The following TRPC4AP variants were observed in gnomAD, a reference collection of about 807,000 sequenced individuals.
TRPC4AP encodes short transient receptor potential channel 4-associated protein.
Under a neutral mutation model 99.0 loss-of-function variants are expected in TRPC4AP, and 45 were observed. The observed-to-expected ratio is 0.45, with a 90% CI of 0.36 to 0.58. TRPC4AP has a LOEUF of 0.58. Among genes scored for constraint, TRPC4AP ranks in the 20% least tolerant of loss-of-function variants. The pLI, the probability that TRPC4AP is intolerant of heterozygous loss-of-function variation, is 0.00. For synonymous variants in TRPC4AP, 408 were observed against 385.8 expected, an observed-to-expected ratio of 1.06 and a Z score of -0.67; for missense variants, 879 against 985.3, an observed-to-expected ratio of 0.89 and a Z score of 1.44.
In TRPC4AP at chr20:35,016,081, T is replaced by C. The variant is rs762255605; in HGVS notation, c.1277A>G (p.Lys426Arg). The C allele has an allele frequency of 6.8e-6, 11 of 1,614,020 alleles. No homozygotes were observed. Among genetic ancestry groups the C allele is most frequent in the African/African-American group, 5.3e-5 (4 of 74,892 alleles). ...TGCTGAATGCTTCCTCCAAATCAGT[T>C]TGTCAAACAAATTATTAAGTCCAGG... is the stretch of plus-strand genomic sequence containing the variant. ...LIPGLNNLFD[K>R]LIWRKHSASA... The change falls in exon 10 of 19, where the codon AAA becomes AGA. Residue 426 changes from lysine (K) to arginine (R), a missense_variant. Around this residue, in one of 3 missense-constraint regions of TRPC4AP, gnomAD observed 603 missense variants for 631.8 expected, o/e 0.95. Transcript: ENST00000252015.
chr20:35,090,872 G>A (rs1401208691), intron 1 of TRPC4AP, among the ~76,000 whole-genome samples: 3 of 152,098 alleles, frequency 2.0e-5, no homozygotes, highest in Admixed American at 2.0e-4. Flanking sequence ...TCCATATTAA[G>A]AAATGAGTCT....
At chr20:35,024,697 G>A (rs556365195) in intron 8 of TRPC4AP, among the ~76,000 whole-genome samples, 1 of 151,502 alleles carries the variant, frequency 6.6e-6, no homozygotes, top group South Asian at 2.1e-4. Flanking sequence ...TGGGCGTGGT[G>A]GTGTGCACCT....
chr20:35,064,468 G>T (rs1162725148), intron 3 of TRPC4AP, among the ~76,000 whole-genome samples: 2 of 152,222 alleles, frequency 1.3e-5, no homozygotes, highest in Admixed American at 6.5e-5. Context: ...TGGCATGAAT[G>T]TGACACTATA....
chr20:35,021,320 T>C lies in TRPC4AP; in HGVS notation c.1088A>G (p.Glu363Gly). ...GGCTGACGTGTGAGGCAGGCCATTC[T>C]CCTCAGAAGCCCCTGGAGGAGGGAA... is the stretch of plus-strand genomic sequence containing the variant. ...IVFPPPGASE[E>G]NGLPHTSART... Residue 363 changes from glutamate to glycine, a missense_variant, in exon 9 of 19, where the codon GAG becomes GGG. Transcript: ENST00000252015. 6.2e-7 allele frequency: 1 copy of C among 1,614,096 alleles called. No individual in the cohort carries two copies. The highest frequency in any genetic ancestry group is 8.5e-7 in the Non-Finnish European group (1 of 1,179,968).
chr20:35,032,511 G>A (rs1390140008), intron 8 of TRPC4AP, among the ~76,000 whole-genome samples: 12 of 116,272 alleles, frequency 1.0e-4, no homozygotes, highest in Admixed American at 9.7e-4. Context: ...TCGCACTGTC[G>A]CCCAGGCTGA....
intron 11 of TRPC4AP, among the ~76,000 whole-genome samples, chr20:35,012,693 C>G (rs555561455): frequency 6.6e-6 from 1 of 152,222 alleles, no homozygotes; most frequent in African/African-American, 2.4e-5. Context: ...CCACGCTGTC[C>G]ACTCTTGCTT....
At position 35,044,642 on chromosome 20, in the gene TRPC4AP, G is replaced by C. The variant is rs747018659; in HGVS notation, c.728C>G (p.Ala243Gly). The change falls in exon 7 of 19, where the codon GCT (alanine) becomes GGT (glycine). Residue 243 changes from alanine (A) to glycine (G), a missense_variant. Around this residue, in one of 3 missense-constraint regions of TRPC4AP, gnomAD observed 603 missense variants for 631.8 expected, o/e 0.95. Coordinates refer to ENST00000252015, the MANE Select transcript of TRPC4AP (RefSeq NM_015638.3). Reference sequence around the variant, plus strand: ...GACAGCCAGAATCCGGCAGAAATTAGCGAGCTGCTGCTGATCGAAATTGGA... The same window carrying C: ...GACAGCCAGAATCCGGCAGAAATTACCGAGCTGCTGCTGATCGAAATTGGA... ...LVSNFDQQQL[A>G]NFCRILAVTI... The C allele has an allele frequency of 9.3e-6, 15 of 1,614,068 alleles. No homozygotes were observed. The South Asian group carries it at 1.1e-4, about 12-fold the overall frequency.
intron 1 of TRPC4AP, among the ~76,000 whole-genome samples, chr20:35,084,721 C>CAT (rs1466454909): frequency 7.3e-6 from 1 of 136,128 alleles, no homozygotes; most frequent in Admixed American, 7.4e-5. Context: ...TGTTTATATG[C>CAT]ATATATGTGT....
intron 2 of TRPC4AP, 56 bp downstream of exon 2, chr20:35,077,990 C>T (rs1203690848): frequency 2.7e-6 from 4 of 1,500,216 alleles, no homozygotes; most frequent in Non-Finnish European, 3.6e-6. Flanking sequence ...AAACAGCAGA[C>T]ATCTTGTGTC....
Position 35,010,312 on chromosome 20 carries a change from G to C in TRPC4AP, c.1410-24C>G, listed in dbSNP as rs766989613. 7.5e-6 allele frequency: 12 copies of C among 1,605,884 alleles called. 1 individual carries two copies. The South Asian group carries it at 1.2e-4, about 16-fold the overall frequency. ...TCCTGAAACAAAATGGGTTGGAGGA[G>C]GTAAAGGACAGGAACTGGGGCTGCT... On this transcript the variant is annotated intron_variant, in intron 11 of 18. Coordinates refer to ENST00000252015, the MANE Select transcript of TRPC4AP (RefSeq NM_015638.3).
chr20:35,088,575 A>G (rs1434527235), intron 1 of TRPC4AP, among the ~76,000 whole-genome samples: 1 of 152,244 alleles, frequency 6.6e-6, no homozygotes, highest in Admixed American at 6.5e-5. Context: ...CCTATATGCC[A>G]CACTGGCTAC....
At chr20:35,018,474 T>C (rs1394018034) in intron 9 of TRPC4AP, among the ~76,000 whole-genome samples, 1 of 151,828 alleles carries the variant, frequency 6.6e-6, no homozygotes, top group Non-Finnish European at 1.5e-5. Context: ...TGTGTGCCTA[T>C]AACCCCAGCT....
chr20:35,044,398 A>T, intron 7 of TRPC4AP, 107 bp downstream of exon 7: 2 of 1,005,706 alleles, frequency 2.0e-6, no homozygotes, highest in Non-Finnish European at 2.7e-6. Flanking sequence ...ATCTCAAAAA[A>T]GGAAAAAAAA....
At chr20:35,088,445 A>G (rs1390690956) in intron 1 of TRPC4AP, among the ~76,000 whole-genome samples, 2 of 152,248 alleles carry the variant, frequency 1.3e-5, no homozygotes, top group African/African-American at 4.8e-5. Context: ...TTTCCTGAAT[A>G]TCAAATGGCT....
chr20:35,035,462 T>G (rs1297880934), intron 7 of TRPC4AP, among the ~76,000 whole-genome samples, 154 bp from the exon 8 acceptor site: 1 of 152,192 alleles, frequency 6.6e-6, no homozygotes, highest in Non-Finnish European at 1.5e-5. Flanking sequence ...CCAAGGTAAA[T>G]AGTAATTATG....
At chr20:35,028,942 T>C (rs1425777034) in intron 8 of TRPC4AP, among the ~76,000 whole-genome samples, 1 of 152,226 alleles carries the variant, frequency 6.6e-6, no homozygotes, top group African/African-American at 2.4e-5. Flanking sequence ...ATAACAGTTT[T>C]TGTTTTAAAG....
At chr20:35,025,911 G>T (rs1347110777) in intron 8 of TRPC4AP, among the ~76,000 whole-genome samples, 1 of 152,126 alleles carries the variant, frequency 6.6e-6, no homozygotes, top group African/African-American at 2.4e-5. Context: ...CACAGGTTTA[G>T]CTCTTACATT....
rs886321801 is a variant in TRPC4AP, at chr20:35,010,241, G to C, written c.1457C>G (p.Ala486Gly). The C allele has an allele frequency of 9.9e-6, 16 of 1,614,060 alleles. No individual in the cohort carries two copies. The highest frequency in any genetic ancestry group is 1.3e-5 in the African/African-American group (1 of 74,912). Residue 486 changes from alanine to glycine, a missense_variant, in exon 12 of 19, where the codon GCC becomes GGC. Physicochemically the swap from Ala to Gly is moderately conservative, Grantham distance 60 (BLOSUM62 0). Around this residue, in one of 3 missense-constraint regions of TRPC4AP, gnomAD observed 603 missense variants for 631.8 expected, o/e 0.95. Transcript: ENST00000252015. ...AGGGATGTTGGCCTTGAGAGAGATG[G>C]CACTGAGTTCATTCAGCTCCTGGTT... ...LNNQELNELS[A>G]ISLKANIPEV...
At chr20:35,006,356 C>G (rs2082516233) in intron 15 of TRPC4AP, 79 bp downstream of exon 15, 2 of 1,560,144 alleles carry the variant, frequency 1.3e-6, no homozygotes, top group African/African-American at 2.7e-5. Flanking sequence ...AAACCTGTGC[C>G]TAAAGCCTGG....
Sources: allele counts gnomAD v4.1 joint callset (sites outside exome capture counted in the v4.1 genomes callset), GRCh38; gene constraint gnomAD v4.1.1; regional missense constraint gnomAD v4.1.1; transcripts MANE v1.5; gene names NCBI Gene and HGNC (gene_info 2026-07-23, HGNC 2026-07-21).